The following ACSF2 variants were observed in gnomAD, a reference collection of about 807,000 sequenced individuals.
ACSF2 encodes acyl-CoA synthetase family member 2, also known as medium-chain acyl-CoA ligase ACSF2, mitochondrial.
ACSF2 carries 52 observed loss-of-function variants against 79.3 expected under a neutral mutation model. That is an observed-to-expected ratio of 0.66 (90% CI 0.53 to 0.83). ACSF2 has a LOEUF of 0.83. Ranked by LOEUF, ACSF2 falls within the 40% of genes least tolerant of loss-of-function variation. The pLI is 0.00. For missense variants in ACSF2, 661 were observed against 803.3 expected (o/e 0.82, Z 2.14); for synonymous variants, 283 against 312.6 (o/e 0.91, Z 1.00).
intron 1 of ACSF2, among the ~76,000 whole-genome samples, chr17:50,438,982 C>T (rs1393539205): frequency 3.9e-5 from 6 of 152,094 alleles, no homozygotes; most frequent in Admixed American, 3.3e-4. Context: ...TTTGTTTAAA[C>T]ATGGAAAGTA....
chr17:50,462,149 C>T, intron 4 of ACSF2, 35 bp from the exon 5 acceptor site: 1 of 1,598,644 alleles, frequency 6.3e-7, no homozygotes, highest in Non-Finnish European at 8.6e-7. Context: ...CTGGGGCTCC[C>T]CGCTGACTGG....
intron 10 of ACSF2, chr17:50,464,544 G>T: frequency 1.6e-6 from 1 of 639,888 alleles, no homozygotes. Context: ...GGAAGAAATT[G>T]CAGCATGGGA....
At chr17:50,464,779 G>GGGGC in intron 10 of ACSF2, 6 of 259,842 alleles carry the variant, frequency 2.3e-5, no homozygotes, top group Admixed American at 1.1e-4. Context: ...TGGGGGGGGG[G>GGGGC]TCTCAGCAAC....
At chr17:50,426,424 C>A in intron 1 of ACSF2, 35 bp downstream of exon 1, 1 of 1,291,810 alleles carries the variant, frequency 7.7e-7, no homozygotes, top group Non-Finnish European at 9.9e-7. Context: ...GGGGGCGGGG[C>A]AGTTCCCCGG....
chr17:50,462,379 C>A, intron 5 of ACSF2, 41 bp from the exon 6 acceptor site: 1 of 1,608,520 alleles, frequency 6.2e-7, no homozygotes. Context: ...ACCCTGCCCC[C>A]TCCCTCAGCC....
chr17:50,461,815 C>T lies in ACSF2; in HGVS notation c.507+129C>T, dbSNP rs2032346923. 4.1e-6 allele frequency: 5 copies of T among 1,231,518 alleles called. No homozygotes were observed. In the Admixed American group the frequency reaches 9.2e-5, roughly 23 times the overall value. The allele number at this position is 1,231,518 out of a possible 1,614,324, so 76.3% of individuals were successfully genotyped here. A position where few individuals can be genotyped will look rare whatever the true frequency, so the allele number is the denominator to read the frequency against. On this transcript the variant is annotated intron_variant, in intron 4 of 15. Transcript: ENST00000300441. ...GCGGGTGATACGCAGAGTGTCCTTC[C>T]TTAGGCCATGTGTGATTGGAAGGTG...
At chr17:50,466,248 G>C (rs930783195) in intron 10 of ACSF2, among the ~76,000 whole-genome samples, 2 of 143,164 alleles carry the variant, frequency 1.4e-5, no homozygotes, top group Non-Finnish European at 3.2e-5. Context: ...CACCATGCCC[G>C]GCTAATTTTT....
At chr17:50,431,848 T>G (rs2029955409) in intron 1 of ACSF2, among the ~76,000 whole-genome samples, 1 of 152,206 alleles carries the variant, frequency 6.6e-6, no homozygotes, top group Non-Finnish European at 1.5e-5. Context: ...TGGATTCAAA[T>G]GAACCACTTT....
chr17:50,473,929 G>A lies in ACSF2; in HGVS notation c.1653G>A (p.Glu551=). ...TGAAGGACGATCGGATGGGGGAAGA[G>A]ATTTGTGCCTGCATTCGGCTGAAGG... ...VGVKDDRMGE[E]ICACIRLKDG... Residue 551 remains glutamate (E), a synonymous_variant, in exon 14 of 16, where the codon GAG becomes GAA. Coordinates refer to ENST00000300441, the MANE Select transcript of ACSF2 (RefSeq NM_025149.6). 1 of 1,575,286 alleles carries A rather than the reference G, an allele frequency of 6.3e-7. No homozygotes were observed.
intron 1 of ACSF2, among the ~76,000 whole-genome samples, chr17:50,443,866 T>G (rs1413444646): frequency 6.6e-6 from 1 of 152,238 alleles, no homozygotes; most frequent in Non-Finnish European, 1.5e-5. Flanking sequence ...CCCTATTGAA[T>G]GCAGCGTGAT....
chr17:50,464,228 T>C lies in ACSF2; in HGVS notation c.1149T>C (p.Ala383=). 6.2e-7 allele frequency: 1 copy of C among 1,614,170 alleles called. No homozygotes were observed. The highest frequency in any genetic ancestry group is 8.5e-7 in the Non-Finnish European group (1 of 1,180,024). ...CTCTCTCTGATTCAGGTGTCATTGC[T>C]GGGTCCCCTGCACCTCCAGAGTTGA... is the stretch of plus-strand genomic sequence containing the variant. ...DISTMCGGVI[A]GSPAPPELIR... Residue 383 remains alanine (A), a synonymous_variant, in exon 10 of 16, where the codon GCT becomes GCC. Transcript: ENST00000300441.
Position 50,463,175 on chromosome 17 carries a change from A to G in ACSF2, c.812A>G (p.Lys271Arg). 6.2e-7 allele frequency: 1 copy of G among 1,614,044 alleles called. No homozygotes were observed. Among genetic ancestry groups the G allele is most frequent in the East Asian group, 2.2e-5 (1 of 44,886 alleles). ...QFTSGTTGSP[K>R]GATLSHYNIV... ...TGTCAGGGGACAACAGGCAGCCCCA[A>G]GGGGGCCACCCTCTCCCACTACAAC... Residue 271 changes from lysine (K) to arginine (R), a missense_variant, in exon 7 of 16, where the codon AAG becomes AGG. Coordinates refer to ENST00000300441, the MANE Select transcript of ACSF2 (RefSeq NM_025149.6). The surrounding 1 kb of genome is among the most constrained non-coding windows in gnomAD (Gnocchi z 4.6).
chr17:50,456,441 G>A (rs1478501200), intron 1 of ACSF2, among the ~76,000 whole-genome samples: 1 of 152,108 alleles, frequency 6.6e-6, no homozygotes, highest in East Asian at 1.9e-4. Context: ...CTGATAAAAA[G>A]GTACCTGGTG....
chr17:50,450,754 C>T (rs74520629), intron 1 of ACSF2: 5 of 152,596 alleles, frequency 3.3e-5, no homozygotes, highest in African/African-American at 1.2e-4. Flanking sequence ...ATCTAAGTCT[C>T]CACTCTGCCA....
At chr17:50,466,324 C>G (rs185898126) in intron 10 of ACSF2, among the ~76,000 whole-genome samples, 1 of 152,120 alleles carries the variant, frequency 6.6e-6, no homozygotes, top group African/African-American at 2.4e-5. Context: ...CTCCTGACCT[C>G]GTGATCTACC....
chr17:50,457,129 A>G (rs2032062659), intron 1 of ACSF2, among the ~76,000 whole-genome samples: 1 of 152,214 alleles, frequency 6.6e-6, no homozygotes, highest in South Asian at 2.1e-4. Flanking sequence ...TCCAGGTGTC[A>G]CACCCTATTC....
rs117929133 is a variant in ACSF2, at chr17:50,437,217, C to G, written c.128+10828C>G. On this transcript the variant is annotated intron_variant, in intron 1 of 15. Coordinates refer to ENST00000300441, the MANE Select transcript of ACSF2 (RefSeq NM_025149.6). ...AGACGGGAAGGGAGAGCCTGCCTTTCGACTGCCATGAGCTAGGAGATATAT... is the reference window on the plus strand; with the variant it reads ...AGACGGGAAGGGAGAGCCTGCCTTTGGACTGCCATGAGCTAGGAGATATAT... Among the ~76,000 whole-genome samples the G allele has an allele frequency of 3.4e-3, 513 of 152,282 alleles. 10 individuals are homozygous for G. The highest frequency in any genetic ancestry group is 0.024 in the East Asian group (125 of 5,188).
intron 1 of ACSF2, among the ~76,000 whole-genome samples, chr17:50,449,607 G>T (rs572149086): frequency 6.7e-6 from 1 of 150,342 alleles, no homozygotes; most frequent in Non-Finnish European, 1.5e-5. Flanking sequence ...GTAGAAACGG[G>T]ATTTCACTGT....
intron 1 of ACSF2, among the ~76,000 whole-genome samples, chr17:50,444,398 C>T (rs2031153769): frequency 6.6e-6 from 1 of 151,876 alleles, no homozygotes. Context: ...ACTAAAAATA[C>T]AAAAAAATTA....
Sources: gnomAD v4.1 joint callset for allele counts (sites outside exome capture counted in the v4.1 genomes callset) on GRCh38, gnomAD v4.1.1 for gene constraint, Gnocchi (gnomAD v3.1) non-coding constraint, MANE v1.5 for transcripts, NCBI Gene and HGNC (gene_info 2026-07-23, HGNC 2026-07-21) for gene names.